Variants in TMCC2 observed in about 807,000 individuals in gnomAD.
TMCC2 encodes transmembrane and coiled-coil domains protein 2.
Under a neutral mutation model 49.4 loss-of-function variants are expected in TMCC2, and 16 were observed. That is an observed-to-expected ratio of 0.32 (90% confidence interval 0.22 to 0.49). The LOEUF (loss-of-function observed/expected upper bound fraction) is 0.49. TMCC2 is among the 20% of genes least tolerant of loss of function. TMCC2 has a pLI of 0.99. For synonymous variants in TMCC2, 397 were observed against 434.1 expected (o/e 0.91, Z 1.06); for missense variants, 762 against 989.8 (o/e 0.77, Z 3.09).
In TMCC2 at chr1:205,241,265, T is replaced by C. The variant is rs536800159; in HGVS notation, c.208-240T>C. Among the ~76,000 whole-genome samples the C allele has an allele frequency of 2.6e-5, 4 of 152,316 alleles. No individual in the cohort carries two copies. Among genetic ancestry groups the C allele is most frequent in the Non-Finnish European group, 5.9e-5 (4 of 68,026 alleles). On this transcript the variant is annotated intron_variant, in intron 1 of 4. Coordinates refer to ENST00000358024, the MANE Select transcript of TMCC2 (RefSeq NM_014858.4). The surrounding 1 kb of genome is among the most constrained non-coding windows in gnomAD (Gnocchi z 7.3). ...TCTGAACCTTCATTTTGATTAGGAA[T>C]GTCCCGTGGAAAACCGTGGGGGCAC...
Position 205,264,676 on chromosome 1 carries a change from G to C in TMCC2, c.748-4274G>C, listed in dbSNP as rs1661250491. ...CCAGCTAATTTTTGTATTGTTAGTA[G>C]AGACAGGGTTTCACCATGTTGGCCA... is the stretch of plus-strand genomic sequence containing the variant. On this transcript the variant is annotated intron_variant, in intron 2 of 4. Transcript: ENST00000358024. The surrounding 1 kb of genome is among the most constrained non-coding windows in gnomAD (Gnocchi z 4.2). Among the ~76,000 whole-genome samples, 1 of 152,140 alleles carries C rather than the reference G, an allele frequency of 6.6e-6. No homozygotes were observed.
chr1:205,229,550 G>T (rs1259575524), intron 1 of TMCC2: 9 of 685,620 alleles, frequency 1.3e-5, no homozygotes, highest in African/African-American at 2.4e-5. Flanking sequence ...AGGGGCGGGG[G>T]GGGGGGGGTG....
chr1:205,250,666 A>G (rs534970266), intron 2 of TMCC2, among the ~76,000 whole-genome samples: 1 of 152,300 alleles, frequency 6.6e-6, no homozygotes, highest in African/African-American at 2.4e-5. Context: ...CCAAGATGTA[A>G]GGTCATGCCT....
intron 2 of TMCC2, chr1:205,246,432 A>G: frequency 7.7e-7 from 1 of 1,294,470 alleles, no homozygotes; most frequent in South Asian, 1.7e-5. Flanking sequence ...CTGGGGAGAG[A>G]TCCAAGCTAG....
chr1:205,240,371 G>A (rs370573289), intron 1 of TMCC2, among the ~76,000 whole-genome samples: 12 of 152,230 alleles, frequency 7.9e-5, no homozygotes, highest in South Asian at 4.1e-4. Flanking sequence ...TGGCCTGGGC[G>A]GCACCGGGTT....
At chr1:205,267,561 G>A (rs1051287434) in intron 2 of TMCC2, among the ~76,000 whole-genome samples, 3 of 152,108 alleles carry the variant, frequency 2.0e-5, no homozygotes, top group African/African-American at 7.2e-5. Flanking sequence ...ATAAGACACT[G>A]GGGACTCAGC....
intron 2 of TMCC2, among the ~76,000 whole-genome samples, chr1:205,249,270 G>A (rs1001713700): frequency 1.6e-4 from 25 of 152,272 alleles, no homozygotes; most frequent in African/African-American, 5.8e-4. Flanking sequence ...TGTGCTCTCC[G>A]TCCACTCCCA....
chr1:205,265,263 C>T (rs1661276882), intron 2 of TMCC2, among the ~76,000 whole-genome samples: 1 of 152,166 alleles, frequency 6.6e-6, no homozygotes, highest in Non-Finnish European at 1.5e-5. Context: ...GTTTCTTCTC[C>T]TCTCATTAAT....
At position 205,269,748 on chromosome 1, in the gene TMCC2, CTGGA is replaced by C; in HGVS notation, c.1549_1552del (p.Asp517LeufsTer23). 1 of 1,614,222 alleles carries C rather than the reference CTGGA, an allele frequency of 6.2e-7. No individual in the cohort carries two copies. Among genetic ancestry groups the C allele is most frequent in the African/African-American group, 1.3e-5 (1 of 75,064 alleles). ...TGCACTGTATGGTGCTCCTGGAAACCTGGATGCTCTGCTGGAAGAGCTACGGGAG... is the reference window on the plus strand; with the variant it reads ...TGCACTGTATGGTGCTCCTGGAAACCTGCTCTGCTGGAAGAGCTACGGGAG... On this transcript the variant is annotated frameshift_variant, in exon 3 of 5. Coordinates refer to ENST00000358024, the MANE Select transcript of TMCC2 (RefSeq NM_014858.4). LOFTEE classifies it high-confidence loss of function.
At chr1:205,261,044 T>C (rs1173811959) in intron 2 of TMCC2, among the ~76,000 whole-genome samples, 2 of 152,164 alleles carry the variant, frequency 1.3e-5, no homozygotes, top group Non-Finnish European at 2.9e-5. Flanking sequence ...ATTGAAAATA[T>C]CTAGGAGTGG....
rs771339509 is a variant in TMCC2, at chr1:205,271,954, A to G, written c.1960A>G (p.Met654Val). The G allele has an allele frequency of 1.2e-6, 2 of 1,614,226 alleles. No homozygotes were observed. The highest frequency in any genetic ancestry group is 1.7e-6 in the Non-Finnish European group (2 of 1,180,032). ...GKFINVILALMAVLLVFVSTI... is the reference protein window; with the variant it reads ...GKFINVILALVAVLLVFVSTI... The stretch of plus-strand genomic sequence containing the variant: ...GTTCATCAACGTGATCCTGGCGCTC[A>G]TGGCCGTGCTGCTGGTGTTCGTGTC... Residue 654 changes from methionine (M) to valine (V), a missense_variant, in exon 5 of 5, where the codon ATG becomes GTG. Met to Val is a conservative substitution (Grantham distance 21, BLOSUM62 1). This residue lies in a region of TMCC2 where 440 missense variants were observed against 636.7 expected (regional missense o/e 0.69). Transcript: ENST00000358024.
At chr1:205,233,176 T>C (rs1659878169) in intron 1 of TMCC2, among the ~76,000 whole-genome samples, 1 of 151,944 alleles carries the variant, frequency 6.6e-6, no homozygotes, top group Non-Finnish European at 1.5e-5. Flanking sequence ...TGAAAGGAGG[T>C]GTCTGGGGAT....
intron 2 of TMCC2, among the ~76,000 whole-genome samples, chr1:205,251,012 C>T (rs1037282550): frequency 2.0e-5 from 3 of 152,218 alleles, no homozygotes; most frequent in Admixed American, 2.0e-4. Context: ...CCCCAGTCCC[C>T]TCTGGGGTGC....
intron 2 of TMCC2, among the ~76,000 whole-genome samples, chr1:205,251,130 C>T (rs1333810336): frequency 1.3e-5 from 2 of 152,148 alleles, no homozygotes; most frequent in African/African-American, 2.4e-5. Context: ...GAGCAGAGGG[C>T]GCTGAAATAG....
intron 2 of TMCC2, among the ~76,000 whole-genome samples, chr1:205,261,180 C>T (rs1176406812): frequency 1.3e-5 from 2 of 149,180 alleles, no homozygotes; most frequent in Non-Finnish European, 3.0e-5. Context: ...TGCACATGCT[C>T]ACCAACACTT....
intron 2 of TMCC2, among the ~76,000 whole-genome samples, chr1:205,254,554 T>C (rs1233523450): frequency 6.6e-6 from 1 of 152,228 alleles, no homozygotes; most frequent in East Asian, 1.9e-4. Flanking sequence ...GACATCTCCC[T>C]GGTTCTTGTT....
chr1:205,232,686 G>A (rs964741653), intron 1 of TMCC2, among the ~76,000 whole-genome samples: 3 of 152,106 alleles, frequency 2.0e-5, no homozygotes, highest in African/African-American at 7.2e-5. Flanking sequence ...AGTAATCCCA[G>A]CACTTTGGTA....
At chr1:205,263,852 G>A (rs1172111) in intron 2 of TMCC2, among the ~76,000 whole-genome samples, 40,882 of 152,102 alleles carry the variant, frequency 0.27, 6,494 homozygotes, top group Non-Finnish European at 0.36. Context: ...AGCCAAAGGT[G>A]TCTTAAGCTG....
rs1430979319 is a variant in TMCC2 at position 205,269,234 on chromosome 1, C to T, written c.1032C>T (p.Ala344=). 6.2e-7 allele frequency: 1 copy of T among 1,614,014 alleles called. No homozygotes were observed. Among genetic ancestry groups the T allele is most frequent in the Admixed American group, 1.7e-5 (1 of 60,026 alleles). The change falls in exon 3 of 5, where the codon GCC becomes GCT. Residue 344 remains alanine (A), a synonymous_variant. Transcript: ENST00000358024. The stretch of plus-strand genomic sequence containing the variant: ...TCGAGAAGAAGAACCAGAAGTCAGC[C>T]CAGACCATCGCCCAGCTGCACAAGA... ...QVFEKKNQKS[A]QTIAQLHKKL... is the part of the protein sequence containing the mutation.
Sources: allele counts gnomAD v4.1 joint callset (sites outside exome capture counted in the v4.1 genomes callset), GRCh38; gene constraint gnomAD v4.1.1; regional missense constraint gnomAD v4.1.1; non-coding constraint Gnocchi (gnomAD v3.1); transcripts MANE v1.5; gene names NCBI Gene and HGNC (gene_info 2026-07-23, HGNC 2026-07-21).